Variants in GRIP1 observed in about 807,000 individuals in gnomAD.
GRIP1 encodes glutamate receptor interacting protein 1, also known as glutamate receptor-interacting protein 1.
In GRIP1, 45 loss-of-function variants were observed where a neutral mutation model predicts 129.9. The observed-to-expected ratio is 0.35, with a 90% CI of 0.27 to 0.44. The LOEUF is 0.44. Ranked by LOEUF, GRIP1 falls within the 20% of genes least tolerant of loss-of-function variation. The probability of loss-of-function intolerance (pLI) is 1.00; values close to 1 mark genes in which losing one functional copy is unlikely to be tolerated. For missense variants in GRIP1, 1,196 were observed against 1,396.8 expected (o/e 0.86, Z 2.29); for synonymous variants, 530 against 520.8 (o/e 1.02, Z -0.24).
chr12:66,564,760 C>T (rs2062682490), intron 2 of GRIP1, among the ~76,000 whole-genome samples: 1 of 152,166 alleles, frequency 6.6e-6, no homozygotes, highest in Non-Finnish European at 1.5e-5. Context: ...AAAAGTGTTC[C>T]TATTTCTCCA....
chr12:66,527,130 G>C (rs909613768), intron 5 of GRIP1, among the ~76,000 whole-genome samples: 3 of 147,070 alleles, frequency 2.0e-5, no homozygotes, highest in African/African-American at 7.7e-5. Context: ...ATTCCTCAGG[G>C]ATCTAGAACT....
intron 24 of GRIP1, among the ~76,000 whole-genome samples, chr12:66,352,811 G>C (rs1370393592): frequency 6.6e-6 from 1 of 150,466 alleles, no homozygotes; most frequent in Non-Finnish European, 1.5e-5. Flanking sequence ...TTAGCAAATT[G>C]CATTCTGGCT....
chr12:66,363,461 T>G (rs1023411047), intron 23 of GRIP1, among the ~76,000 whole-genome samples: 1 of 150,092 alleles, frequency 6.7e-6, no homozygotes, highest in African/African-American at 2.4e-5. Flanking sequence ...ATGTTGCCCA[T>G]GCTGGTGTTT....
At chr12:66,617,330 G>A (rs2065087347) in intron 1 of GRIP1, among the ~76,000 whole-genome samples, 1 of 149,974 alleles carries the variant, frequency 6.7e-6, no homozygotes, top group Admixed American at 6.6e-5. Flanking sequence ...TTACTGCAAT[G>A]GTGGTCTTAT....
chr12:66,644,049 G>T (rs1315189504), intron 1 of GRIP1, among the ~76,000 whole-genome samples: 8 of 152,106 alleles, frequency 5.3e-5, no homozygotes, highest in African/African-American at 1.9e-4. Context: ...TTCTTACACG[G>T]CAGCGGCAAG....
At chr12:67,024,218 A>C (rs760066023) in intron 1 of GRIP1, among the ~76,000 whole-genome samples, 2 of 152,182 alleles carry the variant, frequency 1.3e-5, no homozygotes, top group Non-Finnish European at 1.5e-5. Context: ...AGAAAGATGA[A>C]ACACAAACAA....
At chr12:66,356,727 A>G (rs2054506195) in intron 23 of GRIP1, among the ~76,000 whole-genome samples, 1 of 152,122 alleles carries the variant, frequency 6.6e-6, no homozygotes, top group Non-Finnish European at 1.5e-5. Context: ...ATACTTCAGT[A>G]TACACCTCCA....
intron 1 of GRIP1, among the ~76,000 whole-genome samples, chr12:66,993,788 CAAAAAA>C (rs3051204): frequency 1.7e-5 from 2 of 116,140 alleles, no homozygotes; most frequent in Non-Finnish European, 1.8e-5. Context: ...GAGGCTGTCT[CAAAAAA>C]AAAAAAAAAA....
chr12:66,378,180 G>A (rs766185833), intron 20 of GRIP1, among the ~76,000 whole-genome samples: 8 of 151,400 alleles, frequency 5.3e-5, no homozygotes, highest in Non-Finnish European at 8.8e-5. Context: ...AGTGGCTCAC[G>A]CCTGTAATCC....
In GRIP1 at chr12:66,465,143, A is replaced by C. The variant is rs1328289518; in HGVS notation, c.872+132T>G. The C allele has an allele frequency of 6.1e-6, 4 of 652,444 alleles. No individual in the cohort carries two copies. The Admixed American group carries it at 8.5e-5, about 14-fold the overall frequency. The allele number at this position is 652,444 out of a possible 1,614,324, so 40.4% of individuals were successfully genotyped here. A position where few individuals can be genotyped will look rare whatever the true frequency, so the allele number is the denominator to read the frequency against. On this transcript the variant is annotated intron_variant, in intron 8 of 24. Coordinates refer to ENST00000359742, the MANE Select transcript of GRIP1 (RefSeq NM_001366722.1). ...GTATTTTTAGTAGAGATGGGGTTTC[A>C]CCATGTTGGCCAAGCTGGTCTCGAA... is the stretch of plus-strand genomic sequence containing the variant.
chr12:66,587,737 G>A (rs78919589), intron 2 of GRIP1, among the ~76,000 whole-genome samples: 1,775 of 152,290 alleles, frequency 0.012, 35 homozygotes, highest in African/African-American at 0.041. Context: ...GAGCAAAAAG[G>A]AGAATGCAGC....
chr12:66,885,679 C>T (rs540266329), intron 1 of GRIP1, among the ~76,000 whole-genome samples: 90 of 152,116 alleles, frequency 5.9e-4, no homozygotes, highest in Admixed American at 1.0e-3. Flanking sequence ...GCAAGAACAA[C>T]CAGATACAGC....
chr12:66,705,373 G>T (rs1214428219), intron 1 of GRIP1, among the ~76,000 whole-genome samples: 1 of 151,928 alleles, frequency 6.6e-6, no homozygotes, highest in Non-Finnish European at 1.5e-5. Context: ...TCTTCAAAAA[G>T]AACTACAAAC....
intron 1 of GRIP1, among the ~76,000 whole-genome samples, chr12:66,957,131 G>A (rs897990433): frequency 3.9e-5 from 6 of 152,040 alleles, no homozygotes; most frequent in African/African-American, 7.2e-5. Context: ...ATTAAAATAC[G>A]GTCACTAGGA....
chr12:66,614,807 C>T (rs1192858907), intron 1 of GRIP1, among the ~76,000 whole-genome samples: 3 of 152,094 alleles, frequency 2.0e-5, no homozygotes, highest in African/African-American at 7.2e-5. Flanking sequence ...GCTTTCCTCC[C>T]ACTCCTTCAA....
chr12:67,003,446 C>T (rs1051997528), intron 1 of GRIP1, among the ~76,000 whole-genome samples: 2 of 152,132 alleles, frequency 1.3e-5, no homozygotes, highest in African/African-American at 2.4e-5. Context: ...AATTCCAGCA[C>T]TTTGGGAGGC....
chr12:67,025,654 T>C (rs993415437), intron 1 of GRIP1, among the ~76,000 whole-genome samples: 1 of 152,080 alleles, frequency 6.6e-6, no homozygotes, highest in Admixed American at 6.6e-5. Flanking sequence ...TGCCCCAGGT[T>C]TCTCTCCCCC....
chr12:66,974,771 CA>C (rs1446214345), intron 1 of GRIP1, among the ~76,000 whole-genome samples: 19 of 152,170 alleles, frequency 1.2e-4, no homozygotes, highest in African/African-American at 4.6e-4. Flanking sequence ...AGGTCATAGA[CA>C]GAGGCACATA....
intron 1 of GRIP1, among the ~76,000 whole-genome samples, chr12:66,672,900 G>C (rs2034147692): frequency 6.6e-6 from 1 of 152,040 alleles, no homozygotes; most frequent in Non-Finnish European, 1.5e-5. Context: ...AAATTTAGTG[G>C]GGGAAATTCA....
Sources: allele counts gnomAD v4.1 joint callset (sites outside exome capture counted in the v4.1 genomes callset), GRCh38; gene constraint gnomAD v4.1.1; transcripts MANE v1.5; gene names NCBI Gene and HGNC (gene_info 2026-07-23, HGNC 2026-07-21).